CTNNBIP1: variants seen among roughly 807,000 people sequenced by gnomAD.
CTNNBIP1 encodes the protein beta-catenin-interacting protein 1.
CTNNBIP1 carries 7 observed loss-of-function variants against 11.8 expected under a neutral mutation model. That is an observed-to-expected ratio of 0.60 (90% CI 0.34 to 1.12). The LOEUF is 1.12. Ranked by LOEUF, CTNNBIP1 falls within the 50% of genes most tolerant of loss-of-function variation. The pLI, the probability that CTNNBIP1 is intolerant of heterozygous loss-of-function variation, is 0.03. For missense variants in CTNNBIP1, 101 were observed against 113.4 expected (o/e 0.89, Z 0.50); for synonymous variants, 58 against 43.9 (o/e 1.32, Z -1.26).
intron 1 of CTNNBIP1, among the ~76,000 whole-genome samples, chr1:9,888,252 C>T (rs1296568762): frequency 1.3e-5 from 2 of 151,498 alleles, no homozygotes; most frequent in Admixed American, 1.3e-4. Context: ...AAGGTGAAAC[C>T]CCATCTCTAC....
rs1320821680 is a variant in CTNNBIP1, at chr1:9,849,796, G to C, written c.*922C>G. The C allele has an allele frequency of 6.6e-6, 1 of 152,322 alleles. No homozygotes were observed. Among genetic ancestry groups the C allele is most frequent in the African/African-American group, 2.4e-5 (1 of 41,458 alleles). 9.4% of individuals were successfully genotyped at this position (152,322 alleles called of 1,614,324 possible). A position where few individuals can be genotyped will look rare whatever the true frequency, so the allele number is the denominator to read the frequency against. ...CTTTCTCACCAAGGGACGCTGGCTG[G>C]TTGCCAGCTCATGCAGGCAGTGCAC... On this transcript the variant is annotated 3_prime_UTR_variant, in exon 6 of 6. Transcript: ENST00000377263.
Position 9,871,197 on chromosome 1 carries a change from G to T in CTNNBIP1, c.177C>A (p.Ser59=). ...NSQLSQLPPH[S]IDQGAEDVVM... ...CTGCCGCCAACTCACCCTGGTCGAT[G>T]GAGTGCGGAGGCAGCTGGCTGAGCT... Residue 59 remains serine, a synonymous_variant, in exon 5 of 6, where the codon TCC becomes TCA. Coordinates refer to ENST00000377263, the MANE Select transcript of CTNNBIP1 (RefSeq NM_020248.3). The surrounding 1 kb of genome is among the most constrained non-coding windows in gnomAD (Gnocchi z 5.2). 1 of 1,574,424 alleles carries T rather than the reference G, an allele frequency of 6.4e-7. No individual in the cohort carries two copies. Among genetic ancestry groups the T allele is most frequent in the Non-Finnish European group, 8.6e-7 (1 of 1,160,648 alleles).
At position 9,888,270 on chromosome 1, in the gene CTNNBIP1, A is replaced by T. The variant is rs560017013; in HGVS notation, c.-143-4532T>A. 9.4e-5 allele frequency among the ~76,000 whole-genome samples: 14 copies of T among 148,322 alleles called. 1 individual carries two copies. In the East Asian group the frequency reaches 1.8e-3, roughly 19 times the overall value. On this transcript the variant is annotated intron_variant, in intron 1 of 5. Transcript: ENST00000377263. ...GTGAAACCCCATCTCTACAAAAAAT[A>T]AAAAAAAAAATTTAAAAGCTGGGCA... is the stretch of plus-strand genomic sequence containing the variant.
intron 2 of CTNNBIP1, among the ~76,000 whole-genome samples, chr1:9,880,008 C>T (rs1378889197): frequency 2.0e-5 from 3 of 152,114 alleles, no homozygotes; most frequent in South Asian, 2.1e-4. Context: ...ATGTGCAGAA[C>T]GTGCAGGTTA....
At chr1:9,858,428 C>T (rs1248323293) in intron 5 of CTNNBIP1, among the ~76,000 whole-genome samples, 1 of 152,212 alleles carries the variant, frequency 6.6e-6, no homozygotes, top group East Asian at 1.9e-4. Flanking sequence ...CTTTACAACA[C>T]ACCTCTCACC....
intron 5 of CTNNBIP1, among the ~76,000 whole-genome samples, chr1:9,862,441 G>A (rs940103337): frequency 2.0e-5 from 3 of 152,162 alleles, no homozygotes; most frequent in Admixed American, 1.3e-4. Flanking sequence ...TTGGGAGCTT[G>A]CTTAAAATGC....
intron 1 of CTNNBIP1, among the ~76,000 whole-genome samples, chr1:9,887,860 C>T (rs1351806446): frequency 5.3e-5 from 8 of 151,868 alleles, no homozygotes; most frequent in Non-Finnish European, 7.4e-5. Flanking sequence ...AGTCTCACAC[C>T]GTCACCCAGG....
chr1:9,871,725 A>G lies in CTNNBIP1; in HGVS notation c.96+244T>C, dbSNP rs1056175093. 2.6e-5 allele frequency among the ~76,000 whole-genome samples: 4 copies of G among 152,138 alleles called. No individual in the cohort carries two copies. The highest frequency in any genetic ancestry group is 5.9e-5 in the Non-Finnish European group (4 of 68,008). On this transcript the variant is annotated intron_variant, in intron 4 of 5. Transcript: ENST00000377263. The surrounding 1 kb of genome is among the most constrained non-coding windows in gnomAD (Gnocchi z 5.2). Reference sequence around the variant, plus strand: ...GGAGAAAAGGAAGGTCAGGGCCTTGAGACCCTCACCCGCCTGGCCCCAATC... The same window carrying G: ...GGAGAAAAGGAAGGTCAGGGCCTTGGGACCCTCACCCGCCTGGCCCCAATC...
chr1:9,885,781 T>TA (rs940927449), intron 1 of CTNNBIP1, among the ~76,000 whole-genome samples: 6 of 151,980 alleles, frequency 3.9e-5, no homozygotes, highest in Non-Finnish European at 7.4e-5. Flanking sequence ...CTGTCTCTAC[T>TA]AAAAATACAA....
chr1:9,871,728 C>G lies in CTNNBIP1; in HGVS notation c.96+241G>C, dbSNP rs1325888752. Among the ~76,000 whole-genome samples the G allele has an allele frequency of 1.3e-5, 2 of 152,176 alleles. No individual in the cohort carries two copies. The highest frequency in any genetic ancestry group is 2.9e-5 in the Non-Finnish European group (2 of 68,022). On this transcript the variant is annotated intron_variant, in intron 4 of 5. Transcript: ENST00000377263. This position sits in a 1 kb window ranked among gnomAD's most constrained non-coding sequence, Gnocchi z 5.2. ...GAAAAGGAAGGTCAGGGCCTTGAGA[C>G]CCTCACCCGCCTGGCCCCAATCCGG...
In CTNNBIP1 at chr1:9,883,094, G is replaced by A. The variant is rs781518102; in HGVS notation, c.-110+611C>T. ...GAGCCAGAGCAGTCAGGAACAGCGG[G>A]TGCCTGGGTGGCAGCAGCGGGACGG... On this transcript the variant is annotated intron_variant, in intron 2 of 5. Coordinates refer to ENST00000377263, the MANE Select transcript of CTNNBIP1 (RefSeq NM_020248.3). This position sits in a 1 kb window ranked among gnomAD's most constrained non-coding sequence, Gnocchi z 5.6. Among the ~76,000 whole-genome samples, 1 of 152,072 alleles carries A rather than the reference G, an allele frequency of 6.6e-6. No individual in the cohort carries two copies. Among genetic ancestry groups the A allele is most frequent in the African/African-American group, 2.4e-5 (1 of 41,402 alleles).
chr1:9,906,689 C>T (rs760972056), intron 1 of CTNNBIP1, among the ~76,000 whole-genome samples: 3 of 152,214 alleles, frequency 2.0e-5, no homozygotes, highest in Non-Finnish European at 4.4e-5. Context: ...GGAAGGGCTG[C>T]CCTGTCATGT....
intron 3 of CTNNBIP1, among the ~76,000 whole-genome samples, chr1:9,876,531 C>T (rs1218805035): frequency 6.6e-6 from 1 of 152,132 alleles, no homozygotes; most frequent in Non-Finnish European, 1.5e-5. Flanking sequence ...GCAGGAGAAT[C>T]GCTTGGACCT....
At chr1:9,854,796 C>T (rs991259876) in intron 5 of CTNNBIP1, among the ~76,000 whole-genome samples, 23 of 152,140 alleles carry the variant, frequency 1.5e-4, no homozygotes, top group Admixed American at 1.3e-4. Flanking sequence ...ACCACCTCAA[C>T]CTCCCGAGTA....
intron 5 of CTNNBIP1, among the ~76,000 whole-genome samples, chr1:9,857,957 C>G (rs1638544037): frequency 6.6e-6 from 1 of 152,184 alleles, no homozygotes; most frequent in Non-Finnish European, 1.5e-5. Context: ...TCAGGTGGTG[C>G]AGCTGCCAAG....
Position 9,867,414 on chromosome 1 carries a change from C to T in CTNNBIP1, c.187+3773G>A, listed in dbSNP as rs6690524. 0.069 allele frequency among the ~76,000 whole-genome samples: 10,546 copies of T among 152,226 alleles called. 1,240 individuals are homozygous for T. Among genetic ancestry groups the T allele is most frequent in the African/African-American group, 0.24 (9,867 of 41,512 alleles). The stretch of plus-strand genomic sequence containing the variant: ...AGGGTAGGGGGTAAAGGGGTGCCCA[C>T]GGCCCCCTCCCTGGGCCTCAAGTAA... On this transcript the variant is annotated intron_variant, in intron 5 of 5. Coordinates refer to ENST00000377263, the MANE Select transcript of CTNNBIP1 (RefSeq NM_020248.3). The surrounding 1 kb of genome is among the most constrained non-coding windows in gnomAD (Gnocchi z 4.6).
intron 5 of CTNNBIP1, among the ~76,000 whole-genome samples, chr1:9,869,841 G>A (rs1638825566): frequency 6.6e-6 from 1 of 152,210 alleles, no homozygotes; most frequent in African/African-American, 2.4e-5. Context: ...GGTAGAGGGT[G>A]CCATGCTAGA....
intron 1 of CTNNBIP1, among the ~76,000 whole-genome samples, chr1:9,899,455 C>CA (rs754593503): frequency 0.022 from 1,455 of 65,326 alleles, 22 homozygotes; most frequent in African/African-American, 0.035. Context: ...GACTCCATCT[C>CA]AAAAAAAAAA....
chr1:9,878,075 G>A (rs1639008965), intron 2 of CTNNBIP1, 86 bp from the exon 3 acceptor site: 1 of 152,652 alleles, frequency 6.6e-6, no homozygotes, highest in Admixed American at 6.5e-5. Context: ...CACGCCCCAT[G>A]CTGAGGATGC....
Sources: allele counts gnomAD v4.1 joint callset (sites outside exome capture counted in the v4.1 genomes callset), GRCh38; gene constraint gnomAD v4.1.1; non-coding constraint Gnocchi (gnomAD v3.1); transcripts MANE v1.5; gene names NCBI Gene and HGNC (gene_info 2026-07-23, HGNC 2026-07-21).